SI: variants seen among roughly 807,000 people sequenced by gnomAD.
The protein encoded by SI is sucrase-isomaltase, intestinal.
Under a neutral mutation model 253.3 loss-of-function variants are expected in SI, and 235 were observed. The ratio of observed to expected loss-of-function variants is 0.93; its 90% CI spans 0.83 to 1.03. SI has a LOEUF of 1.03. SI is among the 50% of genes least tolerant of loss of function. The pLI is 0.00. For synonymous variants in SI, 819 were observed against 712.0 expected (o/e 1.15, Z -2.39); for missense variants, 2,442 against 2,211.1 (o/e 1.10, Z -2.09).
rs1247249531 is a variant in SI, at chr3:164,998,666, G to A, written c.4414C>T (p.Gln1472Ter). 2.5e-6 allele frequency: 4 copies of A among 1,610,256 alleles called. No homozygotes were observed. Among genetic ancestry groups the A allele is most frequent in the Non-Finnish European group, 3.4e-6 (4 of 1,177,186 alleles). Residue 1472 changes from glutamine to a stop codon, truncating the protein, a stop_gained, in exon 38 of 48, where the codon CAG becomes TAG. Coordinates refer to ENST00000264382, the MANE Select transcript of SI (RefSeq NM_001041.4). LOFTEE classifies it high-confidence loss of function. ...ATCCCTCTTTTTCCAGTTGTCTTCT[G>A]CAATGCACTAATATAGTAGAGAAGT... ...SQMKPTHDALQKTTGKRGIVI... is the reference protein window; with the variant it reads ...SQMKPTHDAL
chr3:165,001,554 T>C (rs1718256110), intron 37 of SI, among the ~76,000 whole-genome samples: 1 of 151,468 alleles, frequency 6.6e-6, no homozygotes, highest in Non-Finnish European at 1.5e-5. Flanking sequence ...AAGAAGACAA[T>C]GTGAAACACT....
chr3:165,089,287 A>G, the SI span, among the ~76,000 whole-genome samples: 2 of 152,146 alleles, frequency 1.3e-5, no homozygotes. Flanking sequence ...AGATTAAACT[A>G]TTGATTTATA....
chr3:165,016,450 G>C (rs1719035358), intron 31 of SI, among the ~76,000 whole-genome samples: 2 of 152,008 alleles, frequency 1.3e-5, no homozygotes, highest in African/African-American at 4.8e-5. Flanking sequence ...CTTTTGTACA[G>C]TATATACAGA....
At chr3:165,009,125 A>G (rs1457928458) in intron 35 of SI, among the ~76,000 whole-genome samples, 154 bp downstream of exon 35, 1 of 152,170 alleles carries the variant, frequency 6.6e-6, no homozygotes, top group Non-Finnish European at 1.5e-5. Flanking sequence ...ACTTTACTTT[A>G]GCAGTTGTTT....
At chr3:165,040,034 T>C in intron 18 of SI, 63 bp from the exon 19 acceptor site, 4 of 1,311,370 alleles carry the variant, frequency 3.1e-6, no homozygotes, top group Non-Finnish European at 4.4e-6. Flanking sequence ...AAATTCCTGG[T>C]TCAGTTTATC....
chr3:165,049,358 G>A (rs917016241), intron 14 of SI, 114 bp from the exon 15 acceptor site: 56 of 735,472 alleles, frequency 7.6e-5, no homozygotes, highest in South Asian at 4.5e-4. Flanking sequence ...TCCATATTTG[G>A]TTAAAAACAA....
In SI at chr3:165,066,256, A is replaced by G. The variant is rs186625805; in HGVS notation, c.636-824T>C. On this transcript the variant is annotated intron_variant, in intron 6 of 47. Transcript: ENST00000264382. The stretch of plus-strand genomic sequence containing the variant: ...ATATGCAAATATTATACAATTTTAT[A>G]TAAGGAACTTGAGCATCCATGGATT... Among the ~76,000 whole-genome samples the G allele has an allele frequency of 1.4e-4, 22 of 152,084 alleles. 1 individual carries two copies. Among genetic ancestry groups the G allele is most frequent in the African/African-American group, 4.8e-4 (20 of 41,544 alleles).
At chr3:165,004,611 T>TA (rs895298186) in intron 37 of SI, among the ~76,000 whole-genome samples, 1 of 151,946 alleles carries the variant, frequency 6.6e-6, no homozygotes, top group Non-Finnish European at 1.5e-5. Context: ...TATGCAGCTA[T>TA]AAAAAAGAAT....
intron 25 of SI, among the ~76,000 whole-genome samples, chr3:165,028,103 A>G (rs1413592794): frequency 6.6e-6 from 1 of 151,502 alleles, no homozygotes; most frequent in Non-Finnish European, 1.5e-5. Flanking sequence ...TGGATACAAA[A>G]TTAACGTACA....
Position 164,982,275 on chromosome 3 carries a change from A to G in SI, c.5383T>C (p.Ser1795Pro), listed in dbSNP as rs1227944093. The change falls in exon 47 of 48, where the codon TCG becomes CCG. Residue 1795 changes from serine (S) to proline (P), a missense_variant. Coordinates refer to ENST00000264382, the MANE Select transcript of SI (RefSeq NM_001041.4). ...VTLTYNGNKN[S>P]LPFNEDTTNM... The stretch of plus-strand genomic sequence containing the variant: ...GTAGTGTCTTCATTAAAAGGAAGCG[A>G]ATTTTTATTTCCGTTATACGTTAGA... The G allele has an allele frequency of 6.2e-7, 1 of 1,612,986 alleles. No homozygotes were observed. The highest frequency in any genetic ancestry group is 8.5e-7 in the Non-Finnish European group (1 of 1,179,426).
At chr3:165,004,856 T>G (rs1718427308) in intron 37 of SI, among the ~76,000 whole-genome samples, 1 of 152,088 alleles carries the variant, frequency 6.6e-6, no homozygotes, top group African/African-American at 2.4e-5. Context: ...GGCTTTGTGA[T>G]CCCACCCAAA....
chr3:165,039,101 C>T lies in SI; in HGVS notation c.2278G>A (p.Ala760Thr), dbSNP rs765018151. 2 of 1,594,340 alleles carry T rather than the reference C, an allele frequency of 1.3e-6. No homozygotes were observed. Among genetic ancestry groups the T allele is most frequent in the East Asian group, 2.2e-5 (1 of 44,466 alleles). The change falls in exon 20 of 48, where the codon GCT becomes ACT. Residue 760 changes from alanine (A) to threonine (T), a missense_variant. By Grantham distance (58) the Ala-to-Thr change is moderately conservative. Coordinates refer to ENST00000264382, the MANE Select transcript of SI (RefSeq NM_001041.4). The part of the protein sequence containing the change: ...ADTVSAYIPD[A>T]IWYDYESGAK... ...ACAGATTCATAATCATACCAAATAG[C>T]ATCAGGGATGTAGGCACTCACAGTA...
At chr3:165,055,548 A>G (rs1019982677) in intron 12 of SI, among the ~76,000 whole-genome samples, 1 of 151,998 alleles carries the variant, frequency 6.6e-6, no homozygotes, top group Non-Finnish European at 1.5e-5. Context: ...AGAACATGGT[A>G]TAAGGCTGCT....
intron 2 of SI, 67 bp from the exon 3 acceptor site, chr3:165,074,734 T>C: frequency 7.7e-7 from 1 of 1,302,368 alleles, no homozygotes; most frequent in South Asian, 1.2e-5. Flanking sequence ...AATTATCAAG[T>C]AATAAGTACT....
At position 165,067,337 on chromosome 3, in the gene SI, T is replaced by C. The variant is rs879204269; in HGVS notation, c.635+3A>G. ...TTATATAATTGTAAAATAATACACT[T>C]ACAAAGTTTTACCGTTGCTTTTCCT... On this transcript the variant is annotated splice_donor_region_variant and intron_variant, in intron 6 of 47. Transcript: ENST00000264382. The C allele has an allele frequency of 1.3e-6, 2 of 1,599,776 alleles. No individual in the cohort carries two copies. The highest frequency in any genetic ancestry group is 2.2e-5 in the East Asian group (1 of 44,550).
chr3:165,000,427 G>A (rs965541947), intron 37 of SI, among the ~76,000 whole-genome samples: 1 of 151,454 alleles, frequency 6.6e-6, no homozygotes, highest in South Asian at 2.1e-4. Flanking sequence ...ATAGCTAAAA[G>A]AAAGAATTTT....
chr3:165,039,850 G>A, intron 19 of SI, 37 bp downstream of exon 19: 1 of 1,392,422 alleles, frequency 7.2e-7, no homozygotes, highest in Non-Finnish European at 1.0e-6. Context: ...GTTATACAAA[G>A]TTCAAACAAT....
chr3:165,045,204 G>A (rs1713041781), intron 16 of SI, among the ~76,000 whole-genome samples: 1 of 151,866 alleles, frequency 6.6e-6, no homozygotes, highest in Admixed American at 6.6e-5. Context: ...CACCTTTTAT[G>A]TTTCCCAAAA....
chr3:165,067,212 T>A (rs1714289499), intron 6 of SI, 128 bp downstream of exon 6: 3 of 666,628 alleles, frequency 4.5e-6, no homozygotes, highest in Non-Finnish European at 7.4e-6. Flanking sequence ...CACCGTAATT[T>A]TTATAAACCT....
Sources: allele counts gnomAD v4.1 joint callset (sites outside exome capture counted in the v4.1 genomes callset), GRCh38; gene constraint gnomAD v4.1.1; transcripts MANE v1.5; gene names NCBI Gene and HGNC (gene_info 2026-07-23, HGNC 2026-07-21).